The following DCUN1D3 variants were observed in gnomAD, a reference collection of about 807,000 sequenced individuals.
DCUN1D3 encodes the protein defective in cullin neddylation 1 domain containing 3, also known as DCN1-like protein 3.
A neutral mutation model predicts 24.8 loss-of-function variants in DCUN1D3; 6 were observed. That is an observed-to-expected ratio of 0.24 (90% CI 0.13 to 0.48). The LOEUF (loss-of-function observed/expected upper bound fraction) is 0.48, where lower values mean the gene tolerates loss of function less well. Among genes scored for constraint, DCUN1D3 ranks in the 20% least tolerant of loss-of-function variants. The pLI is 0.99. For synonymous variants in DCUN1D3, 120 were observed against 144.9 expected, an observed-to-expected ratio of 0.83 and a Z score of 1.24; for missense variants, 258 against 379.4, an observed-to-expected ratio of 0.68 and a Z score of 2.66.
intron 1 of DCUN1D3, 147 bp from the exon 2 acceptor site, chr16:20,862,790 C>G: frequency 1.4e-6 from 1 of 713,816 alleles, no homozygotes; most frequent in East Asian, 3.1e-5. Flanking sequence ...ATCCCCTTCA[C>G]AGGCCAGCTC....
intron 1 of DCUN1D3, among the ~76,000 whole-genome samples, chr16:20,877,214 A>G (rs2081820255): frequency 6.6e-6 from 1 of 152,128 alleles, no homozygotes; most frequent in Non-Finnish European, 1.5e-5. Context: ...AAAACTACAT[A>G]TATTATTTAT....
intron 1 of DCUN1D3, among the ~76,000 whole-genome samples, chr16:20,887,428 T>C (rs909366853): frequency 6.6e-6 from 1 of 152,174 alleles, no homozygotes; most frequent in Non-Finnish European, 1.5e-5. Flanking sequence ...CAGCAACACA[T>C]AAATTACAAG....
chr16:20,891,612 C>A (rs1175853905), intron 1 of DCUN1D3, among the ~76,000 whole-genome samples: 1 of 152,138 alleles, frequency 6.6e-6, no homozygotes, highest in East Asian at 1.9e-4. Flanking sequence ...TTCGAGGGGG[C>A]ACAGTGGTGA....
intron 1 of DCUN1D3, among the ~76,000 whole-genome samples, chr16:20,863,803 C>T (rs973471362): frequency 9.2e-5 from 14 of 151,912 alleles, no homozygotes; most frequent in Non-Finnish European, 1.0e-4. Flanking sequence ...AATGGAGAGC[C>T]CAAAAATAAG....
chr16:20,894,666 G>A (rs1440804720), intron 1 of DCUN1D3, among the ~76,000 whole-genome samples: 3 of 152,176 alleles, frequency 2.0e-5, no homozygotes, highest in Admixed American at 6.5e-5. Flanking sequence ...GAAGGTAGAC[G>A]AAGTCATTGA....
At chr16:20,897,691 A>G (rs2081922468) in intron 1 of DCUN1D3, among the ~76,000 whole-genome samples, 1 of 152,228 alleles carries the variant, frequency 6.6e-6, no homozygotes, top group African/African-American at 2.4e-5. Flanking sequence ...CAGAGAACTT[A>G]TTATGCAGTT....
At chr16:20,882,501 G>A (rs1030701196) in intron 1 of DCUN1D3, among the ~76,000 whole-genome samples, 1 of 151,888 alleles carries the variant, frequency 6.6e-6, no homozygotes, top group African/African-American at 2.4e-5. Flanking sequence ...CTGACCTCAG[G>A]TGATCTGCCC....
intron 1 of DCUN1D3, among the ~76,000 whole-genome samples, chr16:20,886,435 G>T (rs1454167493): frequency 6.6e-6 from 1 of 152,182 alleles, no homozygotes; most frequent in East Asian, 1.9e-4. Context: ...AAATAAAAAT[G>T]ATAGAAGACC....
At chr16:20,880,080 T>C (rs192249977) in intron 1 of DCUN1D3, among the ~76,000 whole-genome samples, 6 of 152,352 alleles carry the variant, frequency 3.9e-5, no homozygotes, top group African/African-American at 1.4e-4. Context: ...ATTTTTTAAG[T>C]GCCTAAGATG....
chr16:20,872,592 A>G (rs1186499128), intron 1 of DCUN1D3, among the ~76,000 whole-genome samples: 1 of 152,138 alleles, frequency 6.6e-6, no homozygotes. Context: ...GAAAAGATCC[A>G]CACAATAAAA....
At chr16:20,867,977 G>A (rs749824407) in intron 1 of DCUN1D3, among the ~76,000 whole-genome samples, 5 of 152,222 alleles carry the variant, frequency 3.3e-5, no homozygotes, top group Admixed American at 1.3e-4. Flanking sequence ...TATCTGCTGT[G>A]CCCAACGGAC....
intron 1 of DCUN1D3, among the ~76,000 whole-genome samples, chr16:20,881,659 T>C (rs1261384296): frequency 2.6e-5 from 4 of 152,140 alleles, no homozygotes; most frequent in Admixed American, 6.5e-5. Flanking sequence ...GAGGTTCCTA[T>C]GGCTATCCCT....
intron 1 of DCUN1D3, among the ~76,000 whole-genome samples, chr16:20,863,273 T>C (rs183468651): frequency 1.3e-5 from 2 of 152,278 alleles, no homozygotes; most frequent in East Asian, 1.9e-4. Flanking sequence ...CATCCACCTA[T>C]AGAAACCATC....
In DCUN1D3 at chr16:20,858,946, T is replaced by A; in HGVS notation, c.*940A>T. Reference sequence around the variant, plus strand: ...GACCACCAGGAACAGAAACTTTGGCTCCAAGGCAAATGAAACAAACAAACA... The same window carrying A: ...GACCACCAGGAACAGAAACTTTGGCACCAAGGCAAATGAAACAAACAAACA... On this transcript the variant is annotated 3_prime_UTR_variant, in exon 3 of 3. Transcript: ENST00000324344. The A allele has an allele frequency of 1.5e-5, 2 of 135,560 alleles. No homozygotes were observed. Among genetic ancestry groups the A allele is most frequent in the South Asian group, 2.7e-4 (1 of 3,730 alleles). The allele number at this position is 135,560 out of a possible 1,614,324, so 8.4% of individuals were successfully genotyped here. A position where few individuals can be genotyped will look rare whatever the true frequency, so the allele number is the denominator to read the frequency against.
At chr16:20,891,128 C>T (rs139321286) in intron 1 of DCUN1D3, among the ~76,000 whole-genome samples, 10 of 151,906 alleles carry the variant, frequency 6.6e-5, no homozygotes, top group Non-Finnish European at 8.8e-5. Context: ...CGAATAGCTA[C>T]GATTACAGGC....
At chr16:20,892,929 C>A (rs1284016226) in intron 1 of DCUN1D3, among the ~76,000 whole-genome samples, 1 of 152,204 alleles carries the variant, frequency 6.6e-6, no homozygotes, top group Non-Finnish European at 1.5e-5. Context: ...CCTCGCTTCA[C>A]ATATGCTTCA....
At chr16:20,887,258 C>G (rs571994580) in intron 1 of DCUN1D3, among the ~76,000 whole-genome samples, 1 of 152,038 alleles carries the variant, frequency 6.6e-6, no homozygotes, top group East Asian at 1.9e-4. Flanking sequence ...GCCAAGATAG[C>G]GCCACTGCAC....
rs1175110159 is a variant in DCUN1D3, at chr16:20,860,736, A to G, written c.432-367T>C. On this transcript the variant is annotated intron_variant, in intron 2 of 2. Transcript: ENST00000324344. The surrounding 1 kb of genome is among the most constrained non-coding windows in gnomAD (Gnocchi z 4.3). ...AGCTGCGGATTCTTTCTCCTTCCAG[A>G]GGAGGAGGCTTCCTGTTTCCCTTCT... is the stretch of plus-strand genomic sequence containing the variant. 1.3e-5 allele frequency among the ~76,000 whole-genome samples: 2 copies of G among 152,118 alleles called. No homozygotes were observed. The highest frequency in any genetic ancestry group is 2.9e-5 in the Non-Finnish European group (2 of 68,022).
Position 20,890,197 on chromosome 16 carries a change from A to T in DCUN1D3, c.-106+10007T>A, listed in dbSNP as rs570705749. ...CTGAGTTCTATGACTCATGATAGCA[A>T]ATTATCAAACCTGGGATGGGGAGTC... On this transcript the variant is annotated intron_variant, in intron 1 of 2. Coordinates refer to ENST00000324344, the MANE Select transcript of DCUN1D3 (RefSeq NM_173475.4). Among the ~76,000 whole-genome samples, 13 of 152,314 alleles carry T rather than the reference A, an allele frequency of 8.5e-5. No homozygotes were observed. The South Asian group carries it at 2.7e-3, about 32-fold the overall frequency.
Sources: gnomAD v4.1 joint callset for allele counts (sites outside exome capture counted in the v4.1 genomes callset) on GRCh38, gnomAD v4.1.1 for gene constraint, Gnocchi (gnomAD v3.1) non-coding constraint, MANE v1.5 for transcripts, NCBI Gene and HGNC (gene_info 2026-07-23, HGNC 2026-07-21) for gene names.